The following CAST variants were observed in gnomAD, a reference collection of about 807,000 sequenced individuals.
The protein encoded by CAST is calpastatin.
Under a neutral mutation model 119.6 loss-of-function variants are expected in CAST, and 76 were observed. That is an observed-to-expected ratio of 0.64 (90% CI 0.53 to 0.77). The LOEUF (loss-of-function observed/expected upper bound fraction) is 0.77, where lower values mean the gene tolerates loss of function less well. Ranked by LOEUF, CAST falls within the 30% of genes least tolerant of loss-of-function variation. The pLI is 0.00. For synonymous variants in CAST, 319 were observed against 331.6 expected, an observed-to-expected ratio of 0.96 and a Z score of 0.41; for missense variants, 953 against 946.5, an observed-to-expected ratio of 1.01 and a Z score of -0.09.
intron 3 of CAST, among the ~76,000 whole-genome samples, chr5:96,719,285 C>T (rs755221477): frequency 6.6e-6 from 1 of 152,160 alleles, no homozygotes; most frequent in African/African-American, 2.4e-5. Flanking sequence ...CTCAGCCTTC[C>T]AAGTAGCTGG....
the CAST span, among the ~76,000 whole-genome samples, chr5:96,135,587 G>A: frequency 2.0e-5 from 3 of 152,050 alleles, no homozygotes; most frequent in Non-Finnish European, 4.4e-5. Context: ...ATCTAGGTAG[G>A]ACAACCTTGA....
the CAST span, among the ~76,000 whole-genome samples, chr5:96,167,904 A>G: frequency 6.6e-6 from 1 of 152,142 alleles, no homozygotes; most frequent in Non-Finnish European, 1.5e-5. Context: ...GGGGGGCCTG[A>G]ACAATCCCTG....
chr5:96,217,649 A>G, the CAST span, among the ~76,000 whole-genome samples: 1 of 152,228 alleles, frequency 6.6e-6, no homozygotes, highest in Non-Finnish European at 1.5e-5. Flanking sequence ...ATGTGAATGG[A>G]TGATCTATTA....
the CAST span, chr5:96,412,328 C>T: frequency 1.9e-6 from 3 of 1,614,070 alleles, no homozygotes; most frequent in Non-Finnish European, 2.5e-6. Flanking sequence ...CTGTTTGACA[C>T]CATATTCAAA....
intron 1 of CAST, among the ~76,000 whole-genome samples, chr5:96,612,045 A>G (rs964967849): frequency 6.6e-6 from 1 of 152,340 alleles, no homozygotes; most frequent in Admixed American, 6.5e-5. Flanking sequence ...GTTTCCTTGA[A>G]GAACTAAAAA....
the CAST span, among the ~76,000 whole-genome samples, chr5:96,158,029 G>C: frequency 3.3e-5 from 5 of 152,020 alleles, no homozygotes; most frequent in African/African-American, 9.7e-5. Flanking sequence ...CTCTTGGAAT[G>C]TAATTCCAGT....
At chr5:96,165,356 C>T in the CAST span, among the ~76,000 whole-genome samples, 1 of 151,998 alleles carries the variant, frequency 6.6e-6, no homozygotes, top group Non-Finnish European at 1.5e-5. Context: ...GGAGTTTAAA[C>T]CAGAAAAGTC....
At chr5:96,538,171 G>A (rs1178514904) in intron 1 of CAST, among the ~76,000 whole-genome samples, 10 of 152,152 alleles carry the variant, frequency 6.6e-5, no homozygotes, top group Admixed American at 3.3e-4. Flanking sequence ...AAGCCTTCCC[G>A]CGAGTAGCTT....
chr5:96,062,807 T>C, the CAST span, among the ~76,000 whole-genome samples: 1 of 152,128 alleles, frequency 6.6e-6, no homozygotes, highest in African/African-American at 2.4e-5. Flanking sequence ...TGGAAAAGTA[T>C]AGAAGTCATG....
chr5:96,561,791 TTTTTG>T lies in CAST; in HGVS notation c.60+31916_60+31920del, dbSNP rs1331006195. 2.8e-4 allele frequency among the ~76,000 whole-genome samples: 21 copies of T among 75,356 alleles called. 2 individuals are homozygous for T. In the South Asian group the frequency reaches 9.4e-3, roughly 34 times the overall value. The allele number at this position is 75,356 out of a possible 152,430, so 49.4% of individuals were successfully genotyped here. ...TATATGTGTATTATATATATGTTTT[TTTTTG>T]TTTTTTTTTTTTTTGAGACGGAGTC... On this transcript the variant is annotated intron_variant, in intron 1 of 11. Transcript: ENST00000505143.
chr5:96,304,351 C>T, the CAST span, among the ~76,000 whole-genome samples: 8 of 152,118 alleles, frequency 5.3e-5, no homozygotes, highest in East Asian at 3.9e-4. Flanking sequence ...GGATATTAGC[C>T]CTTTGTCAGA....
At chr5:96,432,698 T>C in the CAST span, among the ~76,000 whole-genome samples, 14 of 152,216 alleles carry the variant, frequency 9.2e-5, no homozygotes, top group African/African-American at 3.4e-4. Flanking sequence ...ATGCAAGCTT[T>C]CTCTCTCTCC....
the CAST span, among the ~76,000 whole-genome samples, chr5:96,137,013 T>G: frequency 6.6e-5 from 10 of 152,222 alleles, no homozygotes; most frequent in Admixed American, 5.2e-4. Flanking sequence ...TTTGTCACAT[T>G]CTGCAGGCTA....
At chr5:96,514,731 T>C in the CAST span, among the ~76,000 whole-genome samples, 1 of 149,486 alleles carries the variant, frequency 6.7e-6, no homozygotes, top group East Asian at 1.9e-4. Context: ...TTCCTCTTGC[T>C]TGTTTGTTTG....
At chr5:96,051,729 A>T in the CAST span, among the ~76,000 whole-genome samples, 1 of 152,170 alleles carries the variant, frequency 6.6e-6, no homozygotes, top group Admixed American at 6.5e-5. Context: ...CCTGTGTTAT[A>T]AAAATGTCAG....
intron 1 of CAST, chr5:96,546,553 GA>G (rs34733447): frequency 0.65 from 96,743 of 149,172 alleles, 31,230 homozygotes; most frequent in East Asian, 0.86. Flanking sequence ...ATAGTTATCT[GA>G]AAAAAAAAAA....
chr5:96,391,502 T>A, the CAST span: 2 of 152,354 alleles, frequency 1.3e-5, no homozygotes, highest in African/African-American at 4.8e-5. Flanking sequence ...GAGGTGAGAT[T>A]ACATAAGCAA....
At chr5:96,441,903 G>A in the CAST span, among the ~76,000 whole-genome samples, 1 of 152,168 alleles carries the variant, frequency 6.6e-6, no homozygotes. Context: ...AGCTTCCTGT[G>A]GGAAGGTTTG....
the CAST span, among the ~76,000 whole-genome samples, chr5:96,242,471 T>C: frequency 1.3e-5 from 2 of 152,136 alleles, no homozygotes; most frequent in Non-Finnish European, 1.5e-5. Flanking sequence ...CCTCAGCAAA[T>C]GGAAGCCAAA....
Sources: gnomAD v4.1 joint callset for allele counts (sites outside exome capture counted in the v4.1 genomes callset) on GRCh38, gnomAD v4.1.1 for gene constraint, MANE v1.5 for transcripts, NCBI Gene and HGNC (gene_info 2026-07-23, HGNC 2026-07-21) for gene names.